EXD3: variants seen among roughly 807,000 people sequenced by gnomAD.
The protein encoded by EXD3 is exonuclease mut-7 homolog.
A neutral mutation model predicts 98.0 loss-of-function variants in EXD3; 92 were observed. That is an observed-to-expected ratio of 0.94 (90% CI 0.79 to 1.12). The LOEUF is 1.12. EXD3 is among the 50% of genes most tolerant of loss of function. The pLI is 0.00. For synonymous variants in EXD3, 569 were observed against 526.0 expected, an observed-to-expected ratio of 1.08 and a Z score of -1.12; for missense variants, 1,222 against 1,191.6, an observed-to-expected ratio of 1.03 and a Z score of -0.38.
At position 137,351,464 on chromosome 9, in the gene EXD3, C is replaced by G. The variant is rs201793473; in HGVS notation, c.1238G>C (p.Arg413Pro). The change falls in exon 13 of 22, where the codon CGG becomes CCG. Residue 413 changes from arginine to proline, a missense_variant. Physicochemically the swap from Arg to Pro is moderately radical, Grantham distance 103. Coordinates refer to ENST00000340951, the MANE Select transcript of EXD3 (RefSeq NM_017820.5). ...TPVFVAGGRP[R>P]PSLLQVAVEG... is the part of the protein sequence containing the mutation. ...CACGGCCACCTGCAGGAGTGACGGC[C>G]GAGGCCGGCCCCCAGCAACAAACAC... 3.1e-6 allele frequency: 5 copies of G among 1,601,200 alleles called. No individual in the cohort carries two copies. The East Asian group carries it at 6.8e-5, about 22-fold the overall frequency.
At chr9:137,337,514 G>A (rs1278913480) in intron 17 of EXD3, among the ~76,000 whole-genome samples, 5 of 152,012 alleles carry the variant, frequency 3.3e-5, no homozygotes, top group Non-Finnish European at 5.9e-5. Context: ...AGCCGGGTGT[G>A]GTGGCGGACA....
In EXD3 at chr9:137,309,592, C is replaced by G. The variant is rs777569520; in HGVS notation, c.2278+15G>C. The G allele has an allele frequency of 2.6e-6, 4 of 1,551,690 alleles. No homozygotes were observed. The highest frequency in any genetic ancestry group is 3.5e-6 in the Non-Finnish European group (4 of 1,147,230). On this transcript the variant is annotated intron_variant, in intron 20 of 21. Transcript: ENST00000340951. ...CAGGCCCCCCAGACCCAGTGCCTGA[C>G]CCTGACACACTCACCTGAGCTCCTG...
chr9:137,344,474 C>T (rs1033548035), intron 17 of EXD3, among the ~76,000 whole-genome samples: 4 of 152,170 alleles, frequency 2.6e-5, no homozygotes, highest in Admixed American at 6.5e-5. Flanking sequence ...TTCGCTGGCA[C>T]GTTTCCTGTC....
At chr9:137,420,733 A>C (rs1838470480) in intron 1 of EXD3, among the ~76,000 whole-genome samples, 7 of 118,620 alleles carry the variant, frequency 5.9e-5, no homozygotes, top group South Asian at 2.8e-4. Context: ...GAGGACAGAC[A>C]TTCACCCCCC....
chr9:137,384,545 C>T (rs568718669), intron 2 of EXD3, among the ~76,000 whole-genome samples: 23 of 152,356 alleles, frequency 1.5e-4, no homozygotes, highest in East Asian at 5.8e-4. Context: ...TGCCACAGCC[C>T]GGCCTGGAGC....
chr9:137,359,174 T>A lies in EXD3; in HGVS notation c.657-2806A>T, dbSNP rs1429130667. Among the ~76,000 whole-genome samples, 3 of 82,496 alleles carry A rather than the reference T, an allele frequency of 3.6e-5. 1 individual carries two copies. Among genetic ancestry groups the A allele is most frequent in the African/African-American group, 1.0e-4 (3 of 29,842 alleles). The allele number at this position is 82,496 out of a possible 152,430, so 54.1% of individuals were successfully genotyped here. On this transcript the variant is annotated intron_variant, in intron 7 of 21. Coordinates refer to ENST00000340951, the MANE Select transcript of EXD3 (RefSeq NM_017820.5). ...TGTTAGCCAGGATGGTTTCACTGTG[T>A]TAGCCAGGTTAGTCTCGATCTCCTG...
chr9:137,352,933 C>T, intron 10 of EXD3, 147 bp from the exon 11 acceptor site: 1 of 1,429,164 alleles, frequency 7.0e-7, no homozygotes, highest in Non-Finnish European at 9.1e-7. Context: ...AGGCCTGCAG[C>T]ATCTGTCCTG....
intron 1 of EXD3, among the ~76,000 whole-genome samples, chr9:137,408,614 C>G (rs533967158): frequency 4.6e-5 from 7 of 151,522 alleles, no homozygotes; most frequent in Non-Finnish European, 1.0e-4. Context: ...CACCTCCCCC[C>G]AGCTGCTCAG....
rs1564508754 is a variant in EXD3, at chr9:137,355,604, A to AAAGGAGGAAGGAGGAAGGGAGGAAGGAGG, written c.757+663_757+664insCCTCCTTCCTCCCTTCCTCCTTCCTCCTT. Among the ~76,000 whole-genome samples the AAAGGAGGAAGGAGGAAGGGAGGAAGGAGG allele has an allele frequency of 1.7e-3, 4 of 2,316 alleles. 2 individuals are homozygous for AAAGGAGGAAGGAGGAAGGGAGGAAGGAGG. Among genetic ancestry groups the AAAGGAGGAAGGAGGAAGGGAGGAAGGAGG allele is most frequent in the Non-Finnish European group, 3.1e-3 (4 of 1,290 alleles). The allele number at this position is 2,316 out of a possible 152,430, so 1.5% of individuals were successfully genotyped here. On this transcript the variant is annotated intron_variant, in intron 8 of 21. Transcript: ENST00000340951. ...GAGGAAGGAGAAAGGGCGGAAGGAG[A>AAAGGAGGAAGGAGGAAGGGAGGAAGGAGG]AAGGAGGAAGGAGGAAGGGAGGATG... is the stretch of plus-strand genomic sequence containing the variant.
chr9:137,354,203 C>T, intron 10 of EXD3, 136 bp downstream of exon 10: 3 of 1,469,272 alleles, frequency 2.0e-6, no homozygotes, highest in Non-Finnish European at 2.7e-6. Flanking sequence ...CCACACGCCC[C>T]AACATGGGGT....
intron 17 of EXD3, among the ~76,000 whole-genome samples, chr9:137,326,552 G>A (rs1176053859): frequency 6.6e-6 from 1 of 152,034 alleles, no homozygotes; most frequent in Non-Finnish European, 1.5e-5. Context: ...GTTGGCAAAG[G>A]ACTTAAATAG....
chr9:137,382,206 C>CGCGGAGG (rs1554730805), intron 3 of EXD3, among the ~76,000 whole-genome samples: 1 of 151,722 alleles, frequency 6.6e-6, no homozygotes, highest in Non-Finnish European at 1.5e-5. Context: ...GGTGAGGGCA[C>CGCGGAGG]AGACACAGGC....
chr9:137,348,368 G>A, intron 16 of EXD3, 130 bp from the exon 17 acceptor site: 2 of 1,107,712 alleles, frequency 1.8e-6, no homozygotes, highest in South Asian at 1.7e-5. Flanking sequence ...AAAACTGTGT[G>A]TGCTGTGCAT....
chr9:137,326,198 C>T (rs778506007), intron 17 of EXD3, among the ~76,000 whole-genome samples: 4 of 152,042 alleles, frequency 2.6e-5, no homozygotes, highest in East Asian at 3.9e-4. Context: ...AACACTGGAG[C>T]GACTGGACCC....
intron 5 of EXD3, 106 bp downstream of exon 5, chr9:137,372,799 A>G: frequency 8.3e-7 from 1 of 1,204,124 alleles, no homozygotes; most frequent in Non-Finnish European, 1.2e-6. Flanking sequence ...TGTAGACCAG[A>G]AGCCCCAAAC....
chr9:137,387,707 C>T (rs1836676955), intron 2 of EXD3, among the ~76,000 whole-genome samples: 1 of 152,196 alleles, frequency 6.6e-6, no homozygotes, highest in African/African-American at 2.4e-5. Context: ...GCGGGTGGGG[C>T]TTGGAGCTGA....
chr9:137,376,395 C>G (rs1324238997), intron 3 of EXD3, among the ~76,000 whole-genome samples: 1 of 151,314 alleles, frequency 6.6e-6, no homozygotes, highest in Admixed American at 6.6e-5. Flanking sequence ...CTTCCACCTC[C>G]TGTTCACCAG....
chr9:137,355,851 G>T (rs1368588806), intron 8 of EXD3, among the ~76,000 whole-genome samples: 1 of 152,176 alleles, frequency 6.6e-6, no homozygotes, highest in Non-Finnish European at 1.5e-5. Context: ...CCCGGCCCTT[G>T]CAGGGGGTCC....
At chr9:137,399,767 G>A (rs965737887) in intron 1 of EXD3, among the ~76,000 whole-genome samples, 2 of 152,218 alleles carry the variant, frequency 1.3e-5, no homozygotes, top group East Asian at 1.9e-4. Context: ...GCCGGGTACA[G>A]TGGCTCACTC....
Sources: gnomAD v4.1 joint callset for allele counts (sites outside exome capture counted in the v4.1 genomes callset) on GRCh38, gnomAD v4.1.1 for gene constraint, MANE v1.5 for transcripts, NCBI Gene and HGNC (gene_info 2026-07-23, HGNC 2026-07-21) for gene names.